The following CUBN variants were observed in gnomAD, a reference collection of about 807,000 sequenced individuals.
CUBN encodes cubilin.
In CUBN, 282 loss-of-function variants were observed where a neutral mutation model predicts 405.3. That is an observed-to-expected ratio of 0.70 (90% CI 0.63 to 0.77). The LOEUF (loss-of-function observed/expected upper bound fraction) is 0.77, where lower values mean the gene tolerates loss of function less well. Ranked by LOEUF, CUBN falls within the 30% of genes least tolerant of loss-of-function variation. The pLI, the probability that CUBN is intolerant of heterozygous loss-of-function variation, is 0.00. For synonymous variants in CUBN, 1,684 were observed against 1,617.0 expected (o/e 1.04, Z -0.99); for missense variants, 4,514 against 4,475.2 (o/e 1.01, Z -0.25).
chr10:17,039,940 C>T (rs1402846838), intron 27 of CUBN, among the ~76,000 whole-genome samples: 1 of 152,192 alleles, frequency 6.6e-6, no homozygotes, highest in Admixed American at 6.5e-5. Flanking sequence ...TTTGTTGTCA[C>T]TCTTTGTTTT....
At chr10:16,926,452 C>A (rs915776197) in intron 41 of CUBN, among the ~76,000 whole-genome samples, 3 of 152,082 alleles carry the variant, frequency 2.0e-5, no homozygotes, top group Admixed American at 6.6e-5. Context: ...ACTCTATGTG[C>A]AGTCCTTAGA....
chr10:17,059,153 T>C (rs1317892390), intron 22 of CUBN, among the ~76,000 whole-genome samples: 2 of 151,772 alleles, frequency 1.3e-5, no homozygotes, highest in African/African-American at 2.4e-5. Flanking sequence ...TGAAAAAACA[T>C]ACAAATGCCT....
intron 54 of CUBN, 142 bp downstream of exon 54, chr10:16,898,854 G>T: frequency 1.4e-6 from 1 of 701,698 alleles, no homozygotes; most frequent in East Asian, 2.6e-5. Flanking sequence ...TAACAGTTGA[G>T]GTTTCTCACT....
chr10:16,949,915 A>T, intron 34 of CUBN, 86 bp downstream of exon 34: 1 of 981,064 alleles, frequency 1.0e-6, no homozygotes, highest in Non-Finnish European at 1.6e-6. Flanking sequence ...AAACATTGCA[A>T]CCTAGAATGG....
Position 17,045,918 on chromosome 10 carries a change from G to C in CUBN, c.3490+16C>G, listed in dbSNP as rs763241324. 5 of 1,613,196 alleles carry C rather than the reference G, an allele frequency of 3.1e-6. No individual in the cohort carries two copies. The African/African-American group carries it at 5.3e-5, about 17-fold the overall frequency. On this transcript the variant is annotated intron_variant, in intron 24 of 66. Coordinates refer to ENST00000377833, the MANE Select transcript of CUBN (RefSeq NM_001081.4). ...AGATTGGCTTCTCCAGTAAAAGACA[G>C]CTCTTTGCTATTTACCTGTTGATGA...
intron 31 of CUBN, among the ~76,000 whole-genome samples, chr10:16,973,238 G>C (rs1229145412): frequency 6.6e-6 from 1 of 151,936 alleles, no homozygotes; most frequent in Non-Finnish European, 1.5e-5. Flanking sequence ...GCCTCCCCTC[G>C]TGGCCTCACT....
At chr10:17,129,318 G>A in intron 1 of CUBN, 68 bp from the exon 2 acceptor site, 4 of 1,543,054 alleles carry the variant, frequency 2.6e-6, no homozygotes, top group Non-Finnish European at 3.6e-6. Flanking sequence ...AAATAACAAA[G>A]TTTCTTACTG....
chr10:17,065,714 C>T, intron 21 of CUBN, 76 bp from the exon 22 acceptor site: 1 of 1,547,742 alleles, frequency 6.5e-7, no homozygotes, highest in Non-Finnish European at 8.9e-7. Flanking sequence ...AAAATTTGGA[C>T]ATGTAAATAT....
chr10:16,961,050 T>C (rs1196120395), intron 31 of CUBN, among the ~76,000 whole-genome samples: 2 of 152,124 alleles, frequency 1.3e-5, no homozygotes, highest in East Asian at 1.9e-4. Context: ...AAGCCAAACA[T>C]TTATGAAATT....
At chr10:16,939,821 A>G (rs1419871094) in intron 37 of CUBN, among the ~76,000 whole-genome samples, 1 of 152,238 alleles carries the variant, frequency 6.6e-6, no homozygotes, top group Admixed American at 6.5e-5. Context: ...AAAGAACAAT[A>G]GAACCATTGA....
intron 22 of CUBN, among the ~76,000 whole-genome samples, chr10:17,063,657 C>A (rs1835550263): frequency 6.6e-6 from 1 of 152,166 alleles, no homozygotes; most frequent in African/African-American, 2.4e-5. Flanking sequence ...GTTCTTTCTG[C>A]ACAAAATATT....
At chr10:17,076,158 C>T (rs1835849747) in intron 17 of CUBN, among the ~76,000 whole-genome samples, 1 of 152,092 alleles carries the variant, frequency 6.6e-6, no homozygotes, top group Non-Finnish European at 1.5e-5. Context: ...TGGGCCCCAA[C>T]TAATGAAATT....
intron 28 of CUBN, among the ~76,000 whole-genome samples, chr10:17,009,789 T>C (rs1834130200): frequency 1.3e-5 from 2 of 152,220 alleles, no homozygotes. Flanking sequence ...TCCAGGGCCC[T>C]GAGCCCAGGC....
intron 27 of CUBN, among the ~76,000 whole-genome samples, chr10:17,030,811 C>T (rs986921422): frequency 2.0e-5 from 3 of 151,818 alleles, no homozygotes; most frequent in Non-Finnish European, 4.4e-5. Context: ...CCCAGCTACT[C>T]GGGAGGCTGA....
In CUBN at chr10:17,091,981, A is replaced by G. The variant is rs530503271; in HGVS notation, c.1766-3636T>C. On this transcript the variant is annotated intron_variant, in intron 14 of 66. Coordinates refer to ENST00000377833, the MANE Select transcript of CUBN (RefSeq NM_001081.4). ...AATAAACTTGCTTTCACTTTACTGTATGGACTCACCCCATATTCTTTCTTG... is the reference window on the plus strand; with the variant it reads ...AATAAACTTGCTTTCACTTTACTGTGTGGACTCACCCCATATTCTTTCTTG... Among the ~76,000 whole-genome samples, 245 of 152,236 alleles carry G rather than the reference A, an allele frequency of 1.6e-3. 1 individual carries two copies. The highest frequency in any genetic ancestry group is 1.4e-3 in the Non-Finnish European group (96 of 68,010).
At chr10:17,027,382 G>A (rs1184269399) in intron 27 of CUBN, among the ~76,000 whole-genome samples, 1 of 152,072 alleles carries the variant, frequency 6.6e-6, no homozygotes, top group Non-Finnish European at 1.5e-5. Context: ...GGTGAAAAAA[G>A]TCATTATGGG....
At chr10:17,001,246 T>C (rs1413050940) in intron 28 of CUBN, among the ~76,000 whole-genome samples, 1 of 152,184 alleles carries the variant, frequency 6.6e-6, no homozygotes, top group Non-Finnish European at 1.5e-5. Context: ...GCAAGATTTA[T>C]TGTGAAGAGC....
chr10:17,072,046 ATG>A, intron 17 of CUBN, 75 bp from the exon 18 acceptor site: 1 of 1,168,326 alleles, frequency 8.6e-7, no homozygotes, highest in Admixed American at 2.0e-5. Context: ...TTACTTGGAG[ATG>A]AAAAAATGGC....
intron 59 of CUBN, among the ~76,000 whole-genome samples, chr10:16,867,395 C>T (rs1237749668): frequency 6.6e-6 from 1 of 152,148 alleles, no homozygotes; most frequent in African/African-American, 2.4e-5. Flanking sequence ...CTCCTCACTA[C>T]AAACAATAAA....
Sources: allele counts gnomAD v4.1 joint callset (sites outside exome capture counted in the v4.1 genomes callset), GRCh38; gene constraint gnomAD v4.1.1; transcripts MANE v1.5; gene names NCBI Gene and HGNC (gene_info 2026-07-23, HGNC 2026-07-21).